Variants in CCSER1 observed in about 807,000 individuals in gnomAD.
The protein encoded by CCSER1 is coiled-coil serine rich protein 1, also known as serine-rich coiled-coil domain-containing protein 1.
CCSER1 carries 41 observed loss-of-function variants against 82.0 expected under a neutral mutation model. The observed-to-expected ratio is 0.50, with a 90% CI of 0.39 to 0.65. CCSER1 has a LOEUF of 0.65. CCSER1 is among the 30% of genes least tolerant of loss of function. CCSER1 has a pLI of 0.00. For missense variants in CCSER1, 1,119 were observed against 1,064.2 expected, an observed-to-expected ratio of 1.05 and a Z score of -0.72; for synonymous variants, 414 against 383.9, an observed-to-expected ratio of 1.08 and a Z score of -0.92.
intron 5 of CCSER1, among the ~76,000 whole-genome samples, chr4:90,564,478 T>G (rs35107449): frequency 0.023 from 3,488 of 152,314 alleles, 73 homozygotes; most frequent in South Asian, 0.087. Flanking sequence ...GTATCCTGTC[T>G]CTTTGCTCTT....
intron 5 of CCSER1, among the ~76,000 whole-genome samples, chr4:90,472,816 C>G (rs1322878883): frequency 1.3e-5 from 2 of 152,196 alleles, no homozygotes; most frequent in East Asian, 3.9e-4. Flanking sequence ...ATGAAATCAA[C>G]CTAAGTGCCC....
chr4:91,247,224 C>G lies in CCSER1; in HGVS notation c.2217+161230C>G, dbSNP rs565649023. On this transcript the variant is annotated intron_variant, in intron 10 of 10. Coordinates refer to ENST00000509176, the MANE Select transcript of CCSER1 (RefSeq NM_001145065.2). ...GGCTGAGGCAGGAGAATGGCATGAA[C>G]CCGGGAGGCGGAGCTTGCAGTGAGC... is the stretch of plus-strand genomic sequence containing the variant. 7.3e-5 allele frequency among the ~76,000 whole-genome samples: 11 copies of G among 151,518 alleles called. No individual in the cohort carries two copies. The East Asian group carries it at 2.2e-3, about 30-fold the overall frequency.
chr4:90,455,855 C>G (rs567482859), intron 4 of CCSER1, among the ~76,000 whole-genome samples: 5 of 152,310 alleles, frequency 3.3e-5, no homozygotes, highest in Admixed American at 1.3e-4. Context: ...TAGTCATGCT[C>G]ACCTGCGCCG....
chr4:91,262,105 G>GTACTTT (rs1443721271), intron 10 of CCSER1, among the ~76,000 whole-genome samples: 1 of 152,008 alleles, frequency 6.6e-6, no homozygotes, highest in Non-Finnish European at 1.5e-5. Context: ...GTACTTATAA[G>GTACTTT]TTATAAAAAA....
chr4:90,517,609 T>C (rs991588889), intron 5 of CCSER1, among the ~76,000 whole-genome samples: 11 of 152,130 alleles, frequency 7.2e-5, no homozygotes, highest in African/African-American at 2.4e-4. Flanking sequence ...TCCAGAGGCA[T>C]ACATTTGGGA....
chr4:90,267,473 A>G (rs533235572), intron 1 of CCSER1, among the ~76,000 whole-genome samples: 1 of 152,260 alleles, frequency 6.6e-6, no homozygotes, highest in Admixed American at 6.5e-5. Flanking sequence ...TGCTGATTGT[A>G]GAGCCCTGGA....
chr4:91,117,063 G>A (rs1726680881), intron 10 of CCSER1, among the ~76,000 whole-genome samples: 1 of 152,124 alleles, frequency 6.6e-6, no homozygotes, highest in Admixed American at 6.5e-5. Flanking sequence ...CATAAAGAAG[G>A]CACCACCTAA....
At chr4:90,249,689 T>C (rs1484718355) in intron 1 of CCSER1, among the ~76,000 whole-genome samples, 1 of 152,196 alleles carries the variant, frequency 6.6e-6, no homozygotes, top group African/African-American at 2.4e-5. Flanking sequence ...CTTTTATTGC[T>C]GAATAATATT....
chr4:91,136,587 T>A (rs945812694), intron 10 of CCSER1, among the ~76,000 whole-genome samples: 23 of 152,148 alleles, frequency 1.5e-4, no homozygotes, highest in South Asian at 1.2e-3. Context: ...ATTGGGAGAA[T>A]TCTTTGTGTT....
At chr4:90,476,667 T>C (rs1489626265) in intron 5 of CCSER1, among the ~76,000 whole-genome samples, 2 of 152,206 alleles carry the variant, frequency 1.3e-5, no homozygotes, top group Non-Finnish European at 2.9e-5. Context: ...TAGATTTTAA[T>C]ATGAAAAATA....
chr4:90,285,013 A>G (rs1183519166), intron 1 of CCSER1, among the ~76,000 whole-genome samples: 1 of 152,016 alleles, frequency 6.6e-6, no homozygotes. Flanking sequence ...TTTTTATGCT[A>G]GTATCATGCT....
At chr4:90,415,264 T>G (rs1010376776) in intron 4 of CCSER1, among the ~76,000 whole-genome samples, 1 of 152,220 alleles carries the variant, frequency 6.6e-6, no homozygotes, top group Non-Finnish European at 1.5e-5. Context: ...AATAATTTGC[T>G]TAGCAACCCC....
chr4:91,094,800 C>T (rs1724337437), intron 10 of CCSER1, among the ~76,000 whole-genome samples: 1 of 152,072 alleles, frequency 6.6e-6, no homozygotes, highest in South Asian at 2.1e-4. Flanking sequence ...AGTCTCCATT[C>T]TTCTTCTCAG....
At chr4:90,376,324 G>A (rs1006736540) in intron 3 of CCSER1, among the ~76,000 whole-genome samples, 2 of 152,204 alleles carry the variant, frequency 1.3e-5, no homozygotes, top group African/African-American at 4.8e-5. Context: ...TTCAGCTAAA[G>A]TAATCAGTGA....
At chr4:90,812,866 T>C (rs1256656180) in intron 7 of CCSER1, among the ~76,000 whole-genome samples, 2 of 152,028 alleles carry the variant, frequency 1.3e-5, no homozygotes, top group African/African-American at 2.4e-5. Flanking sequence ...CAGAACAGCA[T>C]AGGGGAAACC....
chr4:90,971,707 G>A lies in CCSER1; in HGVS notation c.2172+48260G>A, dbSNP rs1039166565. Among the ~76,000 whole-genome samples the A allele has an allele frequency of 6.6e-5, 10 of 151,954 alleles. No individual in the cohort carries two copies. The East Asian group carries it at 1.2e-3, about 18-fold the overall frequency. On this transcript the variant is annotated intron_variant, in intron 9 of 10. Coordinates refer to ENST00000509176, the MANE Select transcript of CCSER1 (RefSeq NM_001145065.2). ...ATATCAAACCTTACAAGTATTCTAC[G>A]AGAAAAGACAACCACAGGCAAATAT...
At chr4:90,906,238 G>T (rs1725454140) in intron 8 of CCSER1, among the ~76,000 whole-genome samples, 1 of 152,048 alleles carries the variant, frequency 6.6e-6, no homozygotes, top group South Asian at 2.1e-4. Context: ...TTTTGCTCAT[G>T]ACTATGCTGA....
At position 91,177,110 on chromosome 4, in the gene CCSER1, A is replaced by C. The variant is rs550086836; in HGVS notation, c.2217+91116A>C. Among the ~76,000 whole-genome samples, 514 of 152,098 alleles carry C rather than the reference A, an allele frequency of 3.4e-3. 1 individual carries two copies. The highest frequency in any genetic ancestry group is 0.011 in the African/African-American group (473 of 41,460). ...TTTTGTCTTCGGTTCTGTTTATATG[A>C]TGGATTATGTTTATTGATTTGCATA... On this transcript the variant is annotated intron_variant, in intron 10 of 10. Transcript: ENST00000509176.
rs1445823737 is a variant in CCSER1 at position 91,604,320 on chromosome 4, G to A, written c.*5263G>A. ...TTACTCCTAAACTTCCATTGATATT[G>A]CTAGGGACAAAAAATTAAGCAATGA... On this transcript the variant is annotated 3_prime_UTR_variant, in exon 11 of 11. Coordinates refer to ENST00000509176, the MANE Select transcript of CCSER1 (RefSeq NM_001145065.2). 1 of 152,006 alleles carries A rather than the reference G, an allele frequency of 6.6e-6. No individual in the cohort carries two copies. The highest frequency in any genetic ancestry group is 6.6e-5 in the Admixed American group (1 of 15,242). The allele number at this position is 152,006 out of a possible 1,614,324, so 9.4% of individuals were successfully genotyped here.
Sources: gnomAD v4.1 joint callset for allele counts (sites outside exome capture counted in the v4.1 genomes callset) on GRCh38, gnomAD v4.1.1 for gene constraint, MANE v1.5 for transcripts, NCBI Gene and HGNC (gene_info 2026-07-23, HGNC 2026-07-21) for gene names.